The following ZNF362 variants were observed in gnomAD, a reference collection of about 807,000 sequenced individuals.
ZNF362 encodes rotund homolog.
Under a neutral mutation model 42.9 loss-of-function variants are expected in ZNF362, and 11 were observed. The observed-to-expected ratio is 0.26, with a 90% CI of 0.16 to 0.42. ZNF362 has a LOEUF of 0.42. Among genes scored for constraint, ZNF362 ranks in the 20% least tolerant of loss-of-function variants. The pLI is 1.00. For synonymous variants in ZNF362, 255 were observed against 257.3 expected, an observed-to-expected ratio of 0.99 and a Z score of 0.09; for missense variants, 362 against 576.2, an observed-to-expected ratio of 0.63 and a Z score of 3.81.
At chr1:33,174,370 GA>G in the ZNF362 span, among the ~76,000 whole-genome samples, 1 of 152,106 alleles carries the variant, frequency 6.6e-6, no homozygotes, top group African/African-American at 2.4e-5. Flanking sequence ...TTTTTATAGA[GA>G]TAGGGTTTTG....
At chr1:33,159,697 A>G in the ZNF362 span, 2 of 1,607,842 alleles carry the variant, frequency 1.2e-6, no homozygotes, top group East Asian at 2.2e-5. This position sits in a 1 kb window ranked among gnomAD's most constrained non-coding sequence, Gnocchi z 4.2. Context: ...CCGCTCGGAC[A>G]GTGAGGCCAC....
intron 1 of ZNF362, among the ~76,000 whole-genome samples, chr1:33,264,494 C>A (rs1304935037): frequency 1.3e-5 from 2 of 152,154 alleles, no homozygotes; most frequent in African/African-American, 4.8e-5. Context: ...TCAGTACAAC[C>A]CATGGAGATA....
rs1188697513 is a variant in ZNF362, at chr1:33,276,563, G to A, written c.318G>A (p.Leu106=). The A allele has an allele frequency of 5.0e-6, 7 of 1,392,826 alleles. 1 individual carries two copies. In the South Asian group the frequency reaches 1.1e-4, roughly 22 times the overall value. 86.3% of individuals were successfully genotyped at this position (1,392,826 alleles called of 1,614,324 possible). The stretch of plus-strand genomic sequence containing the variant: ...CGGTGCCGCAGCCCGACGTGGCGCT[G>A]CACGCACGGCCGGCCACCAGCACCG... ...PQAVPQPDVA[L]HARPATSTVT... is the part of the protein sequence containing the mutation. The change falls in exon 4 of 9, where the codon CTG becomes CTA. Residue 106 remains leucine (L), a synonymous_variant. Coordinates refer to ENST00000539719, the MANE Select transcript of ZNF362 (RefSeq NM_152493.3).
the ZNF362 span, chr1:33,147,540 C>T: frequency 1.2e-6 from 2 of 1,613,998 alleles, no homozygotes; most frequent in Non-Finnish European, 1.7e-6. This position sits in a 1 kb window ranked among gnomAD's most constrained non-coding sequence, Gnocchi z 8.1. Flanking sequence ...CCGCCACCAC[C>T]ACCTCCCAGT....
the ZNF362 span, among the ~76,000 whole-genome samples, chr1:33,247,108 G>A: frequency 1.3e-5 from 2 of 152,038 alleles, no homozygotes; most frequent in East Asian, 1.9e-4. Context: ...CAGGACCTCC[G>A]GCTGTTCAAC....
At chr1:33,298,897 G>A (rs760540725) in intron 8 of ZNF362, 33 bp from the exon 9 acceptor site, 2 of 1,585,994 alleles carry the variant, frequency 1.3e-6, no homozygotes, top group Non-Finnish European at 1.7e-6. Flanking sequence ...CTTGCTGGTG[G>A]TTCCCTGTTC....
the ZNF362 span, chr1:33,194,863 G>A: frequency 6.6e-6 from 1 of 151,956 alleles, no homozygotes; most frequent in Non-Finnish European, 1.5e-5. Context: ...TACTAGATTA[G>A]TAGTTCTACA....
chr1:33,186,240 A>G, the ZNF362 span, among the ~76,000 whole-genome samples: 9 of 152,124 alleles, frequency 5.9e-5, no homozygotes, highest in African/African-American at 1.9e-4. Flanking sequence ...GTAAACAAGT[A>G]TTCTTTTTGT....
At chr1:33,249,359 C>G in the ZNF362 span, among the ~76,000 whole-genome samples, 1 of 152,216 alleles carries the variant, frequency 6.6e-6, no homozygotes, top group Non-Finnish European at 1.5e-5. Context: ...AAAGGGTTGG[C>G]AACGACCATG....
chr1:33,190,222 G>C, the ZNF362 span, among the ~76,000 whole-genome samples: 2 of 152,086 alleles, frequency 1.3e-5, no homozygotes, highest in Non-Finnish European at 2.9e-5. Flanking sequence ...CAATACCCTT[G>C]CTAGTCACCC....
chr1:33,279,933 A>G (rs1406677690), intron 4 of ZNF362, among the ~76,000 whole-genome samples, 191 bp from the exon 5 acceptor site: 2 of 152,216 alleles, frequency 1.3e-5, no homozygotes, highest in East Asian at 1.9e-4. Context: ...TGCCCCTGTT[A>G]TCTAACTCAA....
the ZNF362 span, chr1:33,159,929 G>C: frequency 6.2e-7 from 1 of 1,604,622 alleles, no homozygotes; most frequent in Admixed American, 1.7e-5. This position sits in a 1 kb window ranked among gnomAD's most constrained non-coding sequence, Gnocchi z 4.2. Context: ...GTGGTCCGCA[G>C]GCTCTTGGTG....
intron 4 of ZNF362, among the ~76,000 whole-genome samples, chr1:33,278,931 C>T (rs1206828218): frequency 6.6e-6 from 1 of 152,168 alleles, no homozygotes; most frequent in Non-Finnish European, 1.5e-5. Flanking sequence ...GATATGTACA[C>T]ACATCTTTGT....
the ZNF362 span, among the ~76,000 whole-genome samples, chr1:33,228,670 A>G: frequency 6.6e-6 from 1 of 152,148 alleles, no homozygotes; most frequent in Admixed American, 6.5e-5. Flanking sequence ...TTCAGAATCC[A>G]ATCACTCCTC....
At chr1:33,278,773 G>A (rs1021739884) in intron 4 of ZNF362, among the ~76,000 whole-genome samples, 4 of 152,182 alleles carry the variant, frequency 2.6e-5, no homozygotes, top group African/African-American at 7.2e-5. Context: ...AGCTCATTTC[G>A]ACCTTCTCTC....
chr1:33,281,509 C>T lies in ZNF362; in HGVS notation c.684-78C>T. Reference sequence around the variant, plus strand: ...GAAAGACCTGTCCCAGGTGCAAGGTCTCTCTGATGTAGAAGGCCTCCCCTG... The same window carrying T: ...GAAAGACCTGTCCCAGGTGCAAGGTTTCTCTGATGTAGAAGGCCTCCCCTG... On this transcript the variant is annotated intron_variant, in intron 5 of 8. Coordinates refer to ENST00000539719, the MANE Select transcript of ZNF362 (RefSeq NM_152493.3). The surrounding 1 kb of genome is among the most constrained non-coding windows in gnomAD (Gnocchi z 4.8). The T allele has an allele frequency of 1.4e-6, 2 of 1,411,360 alleles. No homozygotes were observed. Among genetic ancestry groups the T allele is most frequent in the Non-Finnish European group, 2.0e-6 (2 of 1,006,698 alleles). The allele number at this position is 1,411,360 out of a possible 1,614,324, so 87.4% of individuals were successfully genotyped here. A position where few individuals can be genotyped will look rare whatever the true frequency, so the allele number is the denominator to read the frequency against.
chr1:33,245,774 C>CA, the ZNF362 span, among the ~76,000 whole-genome samples: 27 of 152,082 alleles, frequency 1.8e-4, no homozygotes, highest in South Asian at 6.2e-4. Context: ...CTTGTCTCTA[C>CA]AAAAAATTTT....
Position 33,276,149 on chromosome 1 carries a change from A to C in ZNF362, c.88A>C (p.Thr30Pro), listed in dbSNP as rs1277134084. The C allele has an allele frequency of 6.2e-7, 1 of 1,613,632 alleles. No homozygotes were observed. Among genetic ancestry groups the C allele is most frequent in the Admixed American group, 1.7e-5 (1 of 60,004 alleles). ...CCCCTACTTCTGGCCCCCTCCTCCC[A>C]CCATGCCCAGCCAGGTAAGACTGAC... ...NNPYFWPPPP[T>P]MPSQLDNLVL... Residue 30 changes from threonine to proline, a missense_variant, in exon 3 of 9, where the codon ACC (threonine) becomes CCC (proline). Physicochemically the swap from Thr to Pro is conservative, Grantham distance 38. This residue lies in a region of ZNF362 where 266 missense variants were observed against 365.4 expected (regional missense o/e 0.73). Transcript: ENST00000539719.
chr1:33,277,895 C>A (rs1201900251), intron 4 of ZNF362, among the ~76,000 whole-genome samples: 1 of 151,472 alleles, frequency 6.6e-6, no homozygotes, highest in Non-Finnish European at 1.5e-5. Context: ...GATAGGCTTT[C>A]TTGGGAGACC....
Sources: gnomAD v4.1 joint callset for allele counts (sites outside exome capture counted in the v4.1 genomes callset) on GRCh38, gnomAD v4.1.1 for gene constraint, gnomAD v4.1.1 regional missense constraint, Gnocchi (gnomAD v3.1) non-coding constraint, MANE v1.5 for transcripts, NCBI Gene and HGNC (gene_info 2026-07-23, HGNC 2026-07-21) for gene names.